CNTNAP4: variants seen among roughly 807,000 people sequenced by gnomAD.
The protein encoded by CNTNAP4 is contactin-associated protein-like 4.
CNTNAP4 carries 98 observed loss-of-function variants against 148.4 expected under a neutral mutation model. The ratio of observed to expected loss-of-function variants is 0.66; its 90% CI spans 0.56 to 0.78. The LOEUF (loss-of-function observed/expected upper bound fraction) is 0.78. Among genes scored for constraint, CNTNAP4 ranks in the 30% least tolerant of loss-of-function variants. The pLI is 0.00. For missense variants in CNTNAP4, 1,935 were observed against 1,565.6 expected, an observed-to-expected ratio of 1.24 and a Z score of -3.98; for synonymous variants, 730 against 565.1, an observed-to-expected ratio of 1.29 and a Z score of -4.14.
At chr16:76,556,804 G>A (rs146732200) in intron 23 of CNTNAP4, among the ~76,000 whole-genome samples, 115 of 152,124 alleles carry the variant, frequency 7.6e-4, no homozygotes, top group African/African-American at 2.7e-3. Context: ...ACAGAATTTG[G>A]TTACCACATT....
At chr16:76,502,719 T>G (rs1261348408) in intron 15 of CNTNAP4, among the ~76,000 whole-genome samples, 1 of 152,116 alleles carries the variant, frequency 6.6e-6, no homozygotes. Context: ...AGATTGAGAG[T>G]TAAAGCCTTG....
At chr16:76,420,787 G>A (rs2079163684) in intron 3 of CNTNAP4, among the ~76,000 whole-genome samples, 1 of 151,576 alleles carries the variant, frequency 6.6e-6, no homozygotes. Context: ...CACCTCTTTG[G>A]GTTTTCTTCT....
chr16:76,315,821 C>A (rs542810857), intron 1 of CNTNAP4, among the ~76,000 whole-genome samples: 1 of 152,108 alleles, frequency 6.6e-6, no homozygotes, highest in African/African-American at 2.4e-5. Context: ...TCTTGAACTC[C>A]TGACATCCAG....
At chr16:76,315,937 G>T (rs1477470538) in intron 1 of CNTNAP4, among the ~76,000 whole-genome samples, 1 of 152,060 alleles carries the variant, frequency 6.6e-6, no homozygotes, top group Non-Finnish European at 1.5e-5. Flanking sequence ...TTTTGTTAAT[G>T]TGTGTCATGA....
chr16:76,404,603 T>G (rs1019770137), intron 3 of CNTNAP4, among the ~76,000 whole-genome samples: 3 of 152,122 alleles, frequency 2.0e-5, no homozygotes, highest in Non-Finnish European at 4.4e-5. Flanking sequence ...TTTGAAAATT[T>G]GATAAATTGC....
At chr16:76,377,541 A>C (rs1045094696) in intron 3 of CNTNAP4, among the ~76,000 whole-genome samples, 1 of 152,300 alleles carries the variant, frequency 6.6e-6, no homozygotes, top group East Asian at 1.9e-4. Context: ...GAAGTGTTGA[A>C]GAGGAGTCTG....
chr16:76,336,586 GT>G (rs1394112579), intron 2 of CNTNAP4, among the ~76,000 whole-genome samples: 1 of 152,156 alleles, frequency 6.6e-6, no homozygotes, highest in Non-Finnish European at 1.5e-5. Flanking sequence ...CCTGAACCAG[GT>G]TGCCAGGACT....
rs529092452 is a variant in CNTNAP4 at position 76,423,469 on chromosome 16, G to A, written c.391-3983G>A. Among the ~76,000 whole-genome samples, 82 of 152,132 alleles carry A rather than the reference G, an allele frequency of 5.4e-4. No individual in the cohort carries two copies. The South Asian group carries it at 0.017, about 32-fold the overall frequency. ...CTAAAGTTCTGAATCTTTAAAGGAA[G>A]ACATAAATGTCCCTGTAATAAAATT... is the stretch of plus-strand genomic sequence containing the variant. On this transcript the variant is annotated intron_variant, in intron 3 of 23. Coordinates refer to ENST00000611870, the MANE Select transcript of CNTNAP4 (RefSeq NM_033401.5).
At chr16:76,507,375 T>C (rs112812676) in intron 15 of CNTNAP4, among the ~76,000 whole-genome samples, 37,685 of 96,366 alleles carry the variant, frequency 0.39, 16,771 homozygotes, top group East Asian at 0.84. Flanking sequence ...TGGCCTCCCA[T>C]TCTCTTTGCC....
At chr16:76,544,273 T>C (rs916104853) in intron 21 of CNTNAP4, among the ~76,000 whole-genome samples, 3 of 152,054 alleles carry the variant, frequency 2.0e-5, no homozygotes, top group African/African-American at 7.2e-5. Flanking sequence ...TATATAACTG[T>C]CCCATGCTTT....
chr16:76,417,133 A>G (rs2144963295), intron 3 of CNTNAP4, among the ~76,000 whole-genome samples: 1 of 151,540 alleles, frequency 6.6e-6, no homozygotes, highest in Non-Finnish European at 1.5e-5. Context: ...TAGACAACAT[A>G]GCTGGGCCTA....
intron 3 of CNTNAP4, among the ~76,000 whole-genome samples, chr16:76,366,922 C>G (rs540234757): frequency 2.0e-5 from 3 of 152,206 alleles, no homozygotes; most frequent in East Asian, 3.9e-4. Flanking sequence ...GCTATTCATT[C>G]TCCCTAAAAT....
intron 4 of CNTNAP4, among the ~76,000 whole-genome samples, chr16:76,431,241 G>A (rs2079594005): frequency 6.6e-6 from 1 of 152,162 alleles, no homozygotes; most frequent in South Asian, 2.1e-4. Context: ...TTGCTGGAAT[G>A]ATTATTTGAG....
At chr16:76,481,697 AATT>A (rs2081835378) in intron 12 of CNTNAP4, among the ~76,000 whole-genome samples, 2 of 152,170 alleles carry the variant, frequency 1.3e-5, no homozygotes, top group Non-Finnish European at 2.9e-5. Flanking sequence ...AAAAGGGCAA[AATT>A]ATTATACATT....
In CNTNAP4 at chr16:76,338,018, C is replaced by T. The variant is rs550101840; in HGVS notation, c.197-17300C>T. Among the ~76,000 whole-genome samples the T allele has an allele frequency of 1.6e-4, 24 of 152,272 alleles. No homozygotes were observed. The South Asian group carries it at 4.8e-3, about 30-fold the overall frequency. On this transcript the variant is annotated intron_variant, in intron 2 of 23. Transcript: ENST00000611870. The stretch of plus-strand genomic sequence containing the variant: ...ACACATGTTTTACAAACAGTTTGTA[C>T]AGTTAACACAATCATCACAGGATCC...
intron 11 of CNTNAP4, among the ~76,000 whole-genome samples, chr16:76,478,219 A>T (rs1476086303): frequency 1.3e-5 from 2 of 152,176 alleles, no homozygotes; most frequent in African/African-American, 4.8e-5. Context: ...CTTTTCCACA[A>T]CCAGTCCCAC....
intron 3 of CNTNAP4, among the ~76,000 whole-genome samples, chr16:76,364,362 A>G (rs1394688053): frequency 1.3e-5 from 2 of 152,032 alleles, no homozygotes; most frequent in Non-Finnish European, 2.9e-5. Flanking sequence ...ATCTGTTTGT[A>G]AGCAAGCAAA....
At position 76,355,506 on chromosome 16, in the gene CNTNAP4, A is replaced by G. The variant is rs1357356961; in HGVS notation, c.385A>G (p.Ile129Val). ...NWKQYRQEDS[I>V]WGFSGNANAD... ...GAAACAATATCGCCAAGAGGACAGC[A>G]TCTGGGTATGTTCTTTAACAAAAGA... Residue 129 changes from isoleucine (I) to valine (V), a missense_variant, in exon 3 of 24, where the codon ATC (isoleucine) becomes GTC (valine). By Grantham distance (29) the Ile-to-Val change is conservative. Coordinates refer to ENST00000611870, the MANE Select transcript of CNTNAP4 (RefSeq NM_033401.5). 4 of 1,604,698 alleles carry G rather than the reference A, an allele frequency of 2.5e-6. No homozygotes were observed. The highest frequency in any genetic ancestry group is 4.5e-5 in the East Asian group (2 of 44,486).
chr16:76,385,871 C>T (rs1388052221), intron 3 of CNTNAP4, among the ~76,000 whole-genome samples: 1 of 152,094 alleles, frequency 6.6e-6, no homozygotes, highest in African/African-American at 2.4e-5. Flanking sequence ...AGGTGCATGG[C>T]AGCTTTCTTG....
Sources: allele counts gnomAD v4.1 joint callset (sites outside exome capture counted in the v4.1 genomes callset), GRCh38; gene constraint gnomAD v4.1.1; transcripts MANE v1.5; gene names NCBI Gene and HGNC (gene_info 2026-07-23, HGNC 2026-07-21).